Variants in MTA3 observed in about 807,000 individuals in gnomAD.
MTA3 encodes the protein metastasis associated 1 family member 3, also known as metastasis-associated protein MTA3.
A neutral mutation model predicts 83.5 loss-of-function variants in MTA3; 34 were observed. The ratio of observed to expected loss-of-function variants is 0.41; its 90% CI spans 0.31 to 0.54. The LOEUF (loss-of-function observed/expected upper bound fraction) is 0.54. Ranked by LOEUF, MTA3 falls within the 20% of genes least tolerant of loss-of-function variation. The pLI is 0.33. For missense variants in MTA3, 761 were observed against 726.4 expected (o/e 1.05, Z -0.55); for synonymous variants, 303 against 252.7 (o/e 1.20, Z -1.89).
At chr2:42,607,398 G>A (rs1277109334) in intron 3 of MTA3, among the ~76,000 whole-genome samples, 1 of 152,008 alleles carries the variant, frequency 6.6e-6, no homozygotes, top group African/African-American at 2.4e-5. Flanking sequence ...TATTTATTTC[G>A]ACATAGGGTC....
intron 5 of MTA3, among the ~76,000 whole-genome samples, chr2:42,642,190 G>T (rs1159032015): frequency 6.6e-6 from 1 of 151,850 alleles, no homozygotes; most frequent in Non-Finnish European, 1.5e-5. Flanking sequence ...AACATATTTT[G>T]AATATTTTCC....
intron 2 of MTA3, among the ~76,000 whole-genome samples, chr2:42,539,549 C>T (rs1038427307): frequency 6.8e-6 from 1 of 148,044 alleles, no homozygotes; most frequent in African/African-American, 2.5e-5. Flanking sequence ...TGGGTGGGGA[C>T]ACAGCAAAAC....
chr2:42,711,108 A>G (rs1465620487), intron 14 of MTA3, among the ~76,000 whole-genome samples: 1 of 152,170 alleles, frequency 6.6e-6, no homozygotes, highest in Non-Finnish European at 1.5e-5. Flanking sequence ...ATTAAAAAGT[A>G]AAACATTTAA....
Position 42,556,779 on chromosome 2 carries a change from G to A in MTA3, c.-140-13658G>A, listed in dbSNP as rs940849886. ...TGTATTGGTGGGGGGAATGGGAAGA[G>A]GTAGAAGCACCAAGGCCACAGAGTG... On this transcript the variant is annotated intron_variant, in intron 2 of 17. Transcript: ENST00000405592. 2.0e-5 allele frequency among the ~76,000 whole-genome samples: 3 copies of A among 152,284 alleles called. No individual in the cohort carries two copies. In the South Asian group the frequency reaches 6.2e-4, roughly 32 times the overall value.
intron 8 of MTA3, among the ~76,000 whole-genome samples, chr2:42,677,446 G>T (rs1277018723): frequency 2.6e-5 from 4 of 152,066 alleles, no homozygotes; most frequent in Non-Finnish European, 5.9e-5. Context: ...GGGTTCAAGT[G>T]ATTCTCCTGC....
intron 3 of MTA3, among the ~76,000 whole-genome samples, chr2:42,602,694 T>G (rs1682728937): frequency 6.6e-6 from 1 of 152,188 alleles, no homozygotes; most frequent in African/African-American, 2.4e-5. Context: ...ATTTTGAGCT[T>G]TAAAACTGGG....
At chr2:42,729,901 A>G (rs903774490) in intron 16 of MTA3, among the ~76,000 whole-genome samples, 1 of 152,204 alleles carries the variant, frequency 6.6e-6, no homozygotes, top group African/African-American at 2.4e-5. Flanking sequence ...ACATTTTAAC[A>G]GTATCGATTC....
intron 3 of MTA3, among the ~76,000 whole-genome samples, chr2:42,592,863 A>G (rs1681196896): frequency 6.6e-6 from 1 of 152,092 alleles, no homozygotes; most frequent in Non-Finnish European, 1.5e-5. Context: ...CTCTAAGACA[A>G]CAATAGGCCA....
chr2:42,752,037 G>C (rs1009144458), intron 16 of MTA3, among the ~76,000 whole-genome samples: 9 of 152,178 alleles, frequency 5.9e-5, no homozygotes, highest in South Asian at 2.1e-4. Context: ...CTGTGACCTT[G>C]AGCAAGTTCT....
intron 2 of MTA3, among the ~76,000 whole-genome samples, chr2:42,499,972 A>G (rs928054978): frequency 4.6e-5 from 7 of 151,402 alleles, no homozygotes; most frequent in African/African-American, 7.3e-5. Flanking sequence ...AAAAAAAAAA[A>G]AGAGAGAGAG....
chr2:42,749,927 T>TA (rs1573852875), intron 16 of MTA3, among the ~76,000 whole-genome samples: 2 of 152,226 alleles, frequency 1.3e-5, no homozygotes, highest in East Asian at 3.8e-4. Flanking sequence ...ATACTATGTA[T>TA]GTTTCATAGA....
At position 42,695,824 on chromosome 2, in the gene MTA3, C is replaced by T. The variant is rs1241315302; in HGVS notation, c.951C>T (p.Asp317=). 1.3e-6 allele frequency: 2 copies of T among 1,580,766 alleles called. No homozygotes were observed. Among genetic ancestry groups the T allele is most frequent in the East Asian group, 2.3e-5 (1 of 44,068 alleles). The part of the protein sequence containing the change: ...IEYYYMWKTT[D]RYVQQKRLKA... ...ATTATTACATGTGGAAAACTACTGA[C>T]AGATATGTGCAACAGGTAATTTTTT... Residue 317 remains aspartate (D), a synonymous_variant, in exon 10 of 17, where the codon GAC becomes GAT. Coordinates refer to ENST00000405094, the MANE Select transcript of MTA3 (RefSeq NM_001330442.2).
At chr2:42,718,055 G>A (rs1667149557) in intron 14 of MTA3, among the ~76,000 whole-genome samples, 1 of 150,744 alleles carries the variant, frequency 6.6e-6, no homozygotes, top group South Asian at 2.1e-4. Context: ...ATACCCATAT[G>A]GGGCTTTAAA....
chr2:42,498,086 T>C (rs1674227871), intron 2 of MTA3, among the ~76,000 whole-genome samples: 1 of 152,182 alleles, frequency 6.6e-6, no homozygotes, highest in Non-Finnish European at 1.5e-5. Context: ...GAAATTGAAA[T>C]ACCCTGTGGG....
chr2:42,631,643 G>A (rs750690199), intron 4 of MTA3, among the ~76,000 whole-genome samples: 8 of 152,134 alleles, frequency 5.3e-5, no homozygotes, highest in Non-Finnish European at 1.2e-4. Context: ...TTCATACTTT[G>A]TGTTACAAAC....
rs1670067459 is a variant in MTA3, at chr2:42,753,935, G to C, written c.*536G>C. 16 of 985,736 alleles carry C rather than the reference G, an allele frequency of 1.6e-5. No individual in the cohort carries two copies. Among genetic ancestry groups the C allele is most frequent in the Non-Finnish European group, 1.9e-5 (16 of 830,150 alleles). 61.1% of individuals were successfully genotyped at this position (985,736 alleles called of 1,614,324 possible). On this transcript the variant is annotated 3_prime_UTR_variant, in exon 17 of 17. Transcript: ENST00000405094. ...TGTTACCGTCACTCAGCTTTTTCTC[G>C]ATAGGCTTCATCCTTGTTTTTTTGA...
chr2:42,555,455 C>CAAAAAA (rs146740409), intron 2 of MTA3, among the ~76,000 whole-genome samples: 1 of 54,348 alleles, frequency 1.8e-5, no homozygotes, highest in Non-Finnish European at 3.1e-5. Flanking sequence ...AACTCCATCT[C>CAAAAAA]AAAAAAAAAA....
At chr2:42,539,124 G>C (rs966734444) in intron 2 of MTA3, among the ~76,000 whole-genome samples, 4 of 152,086 alleles carry the variant, frequency 2.6e-5, no homozygotes, top group Non-Finnish European at 5.9e-5. Flanking sequence ...TTCCCTCTCT[G>C]TGCCTAAAAT....
intron 9 of MTA3, among the ~76,000 whole-genome samples, chr2:42,694,101 G>T (rs777578787): frequency 9.2e-5 from 14 of 152,130 alleles, no homozygotes; most frequent in Non-Finnish European, 1.9e-4. Flanking sequence ...CTGGTGCCCT[G>T]TCCTACTGTG....
Sources: gnomAD v4.1 joint callset for allele counts (sites outside exome capture counted in the v4.1 genomes callset) on GRCh38, gnomAD v4.1.1 for gene constraint, MANE v1.5 for transcripts, NCBI Gene and HGNC (gene_info 2026-07-23, HGNC 2026-07-21) for gene names.